AP2A1: variants seen among roughly 807,000 people sequenced by gnomAD.
The protein encoded by AP2A1 is AP-2 complex subunit alpha-1.
In AP2A1, 21 loss-of-function variants were observed where a neutral mutation model predicts 107.3. The ratio of observed to expected loss-of-function variants is 0.20; its 90% CI spans 0.14 to 0.28. AP2A1 has a LOEUF of 0.28. AP2A1 is among the 10% of genes least tolerant of loss of function. The pLI is 1.00. For synonymous variants in AP2A1, 602 were observed against 564.8 expected (o/e 1.07, Z -0.93); for missense variants, 873 against 1,307.7 (o/e 0.67, Z 5.13).
At chr19:49,768,203 G>T (rs1257677418) in intron 1 of AP2A1, among the ~76,000 whole-genome samples, 1 of 152,058 alleles carries the variant, frequency 6.6e-6, no homozygotes, top group African/African-American at 2.4e-5. Context: ...ATATGGGGAC[G>T]GTGGTCCCTG....
intron 1 of AP2A1, among the ~76,000 whole-genome samples, chr19:49,770,246 G>A (rs1188986614): frequency 4.6e-5 from 7 of 152,132 alleles, no homozygotes; most frequent in Admixed American, 4.6e-4. Flanking sequence ...GAAAGAGATC[G>A]TCCCGTCACT....
intron 2 of AP2A1, 29 bp from the exon 3 acceptor site, chr19:49,781,918 G>A (rs769208362): frequency 1.2e-6 from 2 of 1,608,176 alleles, no homozygotes; most frequent in Non-Finnish European, 1.7e-6. Context: ...CTTATTTCTG[G>A]CTCCCCTTTC....
intron 1 of AP2A1, among the ~76,000 whole-genome samples, chr19:49,778,522 G>T (rs1270217303): frequency 6.6e-6 from 1 of 152,192 alleles, no homozygotes; most frequent in Non-Finnish European, 1.5e-5. Flanking sequence ...GGCGGAGGTT[G>T]CAGTGAGCTG....
At chr19:49,800,714 G>T in intron 11 of AP2A1, 1 of 410,488 alleles carries the variant, frequency 2.4e-6, no homozygotes, top group Non-Finnish European at 4.4e-6. Flanking sequence ...CAGGCAATCT[G>T]CCCGCCTCGG....
At chr19:49,773,935 C>T (rs535941224) in intron 1 of AP2A1, among the ~76,000 whole-genome samples, 14 of 152,116 alleles carry the variant, frequency 9.2e-5, no homozygotes, top group Non-Finnish European at 1.8e-4. Context: ...ACAGGAGAAC[C>T]GGCCAGAGAG....
intron 1 of AP2A1, among the ~76,000 whole-genome samples, chr19:49,774,202 T>C (rs1487795255): frequency 1.3e-5 from 2 of 152,156 alleles, no homozygotes; most frequent in Non-Finnish European, 2.9e-5. Context: ...ATGGCTTTGG[T>C]CCACAAATCC....
intron 4 of AP2A1, among the ~76,000 whole-genome samples, chr19:49,786,171 C>CAAGAGGCCCAGGGTGCAGTG (rs140301382): frequency 0.13 from 20,488 of 152,062 alleles, 1,568 homozygotes; most frequent in East Asian, 0.23. Flanking sequence ...TGCTTGAGCT[C>CAAGAGGCCCAGGGTGCAGTG]AAGAGGCCCA....
At chr19:49,806,017 T>G (rs2073373238) in intron 21 of AP2A1, 76 bp downstream of exon 21, 1 of 1,612,184 alleles carries the variant, frequency 6.2e-7, no homozygotes. Flanking sequence ...ATCTGTAAAG[T>G]GGGGCCAATT....
intron 4 of AP2A1, among the ~76,000 whole-genome samples, chr19:49,789,590 CTT>C (rs34385512): frequency 0.045 from 4,874 of 107,646 alleles, 71 homozygotes; most frequent in South Asian, 0.089. Context: ...TGCGCCTGGC[CTT>C]TTTTTTTTTT....
At chr19:49,770,263 C>A (rs957902523) in intron 1 of AP2A1, among the ~76,000 whole-genome samples, 1 of 152,080 alleles carries the variant, frequency 6.6e-6, no homozygotes, top group African/African-American at 2.4e-5. Context: ...CACTGCAGGA[C>A]CCCAGAGACG....
Position 49,788,664 on chromosome 19 carries a change from G to A in AP2A1, c.474-3271G>A, listed in dbSNP as rs1236624928. On this transcript the variant is annotated intron_variant, in intron 4 of 22. Coordinates refer to ENST00000354293, the MANE Select transcript of AP2A1 (RefSeq NM_130787.3). This position sits in a 1 kb window ranked among gnomAD's most constrained non-coding sequence, Gnocchi z 4.5. ...CTGTGGCTCGGGAGATGAGCGCCAT[G>A]ACAGAGATGGGAAGGTGGCCCAGAG... Among the ~76,000 whole-genome samples the A allele has an allele frequency of 6.6e-6, 1 of 150,670 alleles. No individual in the cohort carries two copies. Among genetic ancestry groups the A allele is most frequent in the Admixed American group, 6.6e-5 (1 of 15,098 alleles).
chr19:49,768,615 A>G (rs2084527165), intron 1 of AP2A1, among the ~76,000 whole-genome samples: 1 of 152,080 alleles, frequency 6.6e-6, no homozygotes, highest in African/African-American at 2.4e-5. Flanking sequence ...AGGATCTGGC[A>G]TGTAATAGGT....
In AP2A1 at chr19:49,803,418, C is replaced by T. The variant is rs766053301; in HGVS notation, c.2344+42C>T. ...GGCCCAGCCTCCTGCCTCTCCACGTCGGCCTTCCTCACCGTGGGGAAGCCG... is the reference window on the plus strand; with the variant it reads ...GGCCCAGCCTCCTGCCTCTCCACGTTGGCCTTCCTCACCGTGGGGAAGCCG... On this transcript the variant is annotated intron_variant, in intron 18 of 22. Coordinates refer to ENST00000354293, the MANE Select transcript of AP2A1 (RefSeq NM_130787.3). 8 of 1,559,606 alleles carry T rather than the reference C, an allele frequency of 5.1e-6. No individual in the cohort carries two copies. The Admixed American group carries it at 6.7e-5, about 13-fold the overall frequency.
intron 1 of AP2A1, among the ~76,000 whole-genome samples, chr19:49,780,292 A>C (rs1342161160): frequency 1.3e-5 from 2 of 152,242 alleles, no homozygotes; most frequent in African/African-American, 4.8e-5. Context: ...CTTTAAGCAG[A>C]ATAATAAAGA....
intron 1 of AP2A1, 44 bp downstream of exon 1, chr19:49,767,244 G>GA: frequency 6.2e-7 from 1 of 1,603,050 alleles, no homozygotes; most frequent in South Asian, 1.1e-5. Context: ...GGGGAGGGGG[G>GA]AGCGTGAAAT....
At chr19:49,783,375 CAGCTACTCGGGA>C (rs1207118253) in intron 4 of AP2A1, among the ~76,000 whole-genome samples, 26 of 152,178 alleles carry the variant, frequency 1.7e-4, no homozygotes, top group African/African-American at 6.0e-4. Context: ...CCTATAGTCC[CAGCTACTCGGGA>C]AGCTGAGGTG....
At position 49,785,916 on chromosome 19, in the gene AP2A1, CA is replaced by C. The variant is rs1355830678; in HGVS notation, c.473+3204del. 1.1e-3 allele frequency among the ~76,000 whole-genome samples: 150 copies of C among 137,986 alleles called. No homozygotes were observed. The highest frequency in any genetic ancestry group is 2.1e-3 in the South Asian group (9 of 4,334). 90.5% of individuals were successfully genotyped at this position (137,986 alleles called of 152,430 possible). The stretch of plus-strand genomic sequence containing the variant: ...TGGGTGACAGAGCGAGACTCCATCT[CA>C]AAAAAAAAAAACATTAGTGGGGTGC... On this transcript the variant is annotated intron_variant, in intron 4 of 22. Coordinates refer to ENST00000354293, the MANE Select transcript of AP2A1 (RefSeq NM_130787.3). The surrounding 1 kb of genome is among the most constrained non-coding windows in gnomAD (Gnocchi z 4.1).
In AP2A1 at chr19:49,799,991, C is replaced by T. The variant is rs146010013; in HGVS notation, c.1296C>T (p.Ala432=). 1.1e-5 allele frequency: 18 copies of T among 1,613,852 alleles called. No homozygotes were observed. The highest frequency in any genetic ancestry group is 4.5e-5 in the East Asian group (2 of 44,870). ...EEIVLKVAIL[A]EKYAVDYSWY... The stretch of plus-strand genomic sequence containing the variant: ...AGGTCCTGAAGGTGGCCATCCTGGC[C>T]GAGAAGTACGCCGTGGACTACAGCT... Residue 432 remains alanine, a synonymous_variant, in exon 11 of 23, where the codon GCC becomes GCT. Transcript: ENST00000354293.
chr19:49,806,593 T>G (rs2073393434), intron 22 of AP2A1, 88 bp from the exon 23 acceptor site: 1 of 1,548,802 alleles, frequency 6.5e-7, no homozygotes, highest in Non-Finnish European at 8.7e-7. Context: ...CTGGCCCCTT[T>G]ATCCTTCCTT....
Sources: gnomAD v4.1 joint callset for allele counts (sites outside exome capture counted in the v4.1 genomes callset) on GRCh38, gnomAD v4.1.1 for gene constraint, Gnocchi (gnomAD v3.1) non-coding constraint, MANE v1.5 for transcripts, NCBI Gene and HGNC (gene_info 2026-07-23, HGNC 2026-07-21) for gene names.